DNAJC2: variants seen among roughly 807,000 people sequenced by gnomAD.
The protein encoded by DNAJC2 is DnaJ heat shock protein family (Hsp40) member C2.
A neutral mutation model predicts 94.0 loss-of-function variants in DNAJC2; 32 were observed. The ratio of observed to expected loss-of-function variants is 0.34; its 90% CI spans 0.26 to 0.46. The LOEUF (loss-of-function observed/expected upper bound fraction) is 0.46, where lower values mean the gene tolerates loss of function less well. DNAJC2 is among the 20% of genes least tolerant of loss of function. The pLI is 1.00. For missense variants in DNAJC2, 550 were observed against 719.5 expected (o/e 0.76, Z 2.69); for synonymous variants, 210 against 229.7 (o/e 0.91, Z 0.77).
chr7:103,322,847 G>A, intron 7 of DNAJC2, 53 bp from the exon 8 acceptor site: 1 of 1,331,366 alleles, frequency 7.5e-7, no homozygotes, highest in Non-Finnish European at 1.0e-6. Context: ...TGCTATGACT[G>A]GAAAATGCAA....
At chr7:103,324,357 G>A (rs1818585947) in intron 6 of DNAJC2, 125 bp downstream of exon 6, 2 of 756,296 alleles carry the variant, frequency 2.6e-6, no homozygotes, top group Non-Finnish European at 1.9e-6. Flanking sequence ...AGGTAACAGA[G>A]TGCTTTTGTT....
chr7:103,343,348 A>G (rs1819465063), intron 1 of DNAJC2, among the ~76,000 whole-genome samples: 1 of 152,222 alleles, frequency 6.6e-6, no homozygotes, highest in East Asian at 1.9e-4. Flanking sequence ...GCTCTTAAAA[A>G]TTTTAAGAAT....
chr7:103,331,609 C>G (rs1369376829), intron 3 of DNAJC2, among the ~76,000 whole-genome samples: 1 of 152,184 alleles, frequency 6.6e-6, no homozygotes, highest in Non-Finnish European at 1.5e-5. Flanking sequence ...TGAGAACATG[C>G]AATATTTGCC....
chr7:103,344,238 AG>A (rs1819507958), intron 1 of DNAJC2: 1 of 372,462 alleles, frequency 2.7e-6, no homozygotes, highest in Non-Finnish European at 4.9e-6. Flanking sequence ...TTTCCACCGT[AG>A]GCAAGGAGAT....
chr7:103,335,538 C>CTTTTT (rs762515531), intron 3 of DNAJC2: 1 of 140,182 alleles, frequency 7.1e-6, no homozygotes. Context: ...TTCTTTCTTT[C>CTTTTT]TTTTTTTTTT....
At chr7:103,337,882 A>G in intron 2 of DNAJC2, 71 bp from the exon 3 acceptor site, 1 of 1,116,320 alleles carries the variant, frequency 9.0e-7, no homozygotes, top group South Asian at 1.3e-5. Flanking sequence ...GTGTTCTGGT[A>G]CCTTAATAAG....
chr7:103,321,741 C>T (rs1382008801), intron 10 of DNAJC2, among the ~76,000 whole-genome samples, 191 bp downstream of exon 10: 2 of 152,172 alleles, frequency 1.3e-5, no homozygotes, highest in African/African-American at 4.8e-5. Context: ...CCCAGCTACT[C>T]GGGAGGCTGA....
chr7:103,324,589 C>A (rs2115909037), intron 5 of DNAJC2, 27 bp from the exon 6 acceptor site: 1 of 1,417,064 alleles, frequency 7.1e-7, no homozygotes. Flanking sequence ...AATATTCTTA[C>A]AATTCTTCAA....
intron 12 of DNAJC2, among the ~76,000 whole-genome samples, chr7:103,317,558 C>T (rs1818138808): frequency 6.6e-6 from 1 of 152,186 alleles, no homozygotes. Context: ...CATTTCTCCC[C>T]TTCAATCCCT....
rs1309646680 is a variant in DNAJC2 at position 103,312,954 on chromosome 7, C to T, written c.1784G>A (p.Arg595Gln). The change falls in exon 16 of 17, where the codon CGA (arginine) becomes CAA (glutamine). Residue 595 changes from arginine to glutamine, a missense_variant. By Grantham distance (43) the Arg-to-Gln change is conservative (BLOSUM62 1). Around this residue, in one of 2 missense-constraint regions of DNAJC2, gnomAD observed 271 missense variants for 302.6 expected, o/e 0.90. Transcript: ENST00000379263. ...PGRTKKDCMK[R>Q]YKELVEMVKA... is the part of the protein sequence containing the mutation. Reference sequence around the variant, plus strand: ...AACGCTTAAGTCTGCAACCTTGTATCGTTTCATGCAGTCCTTCTTTGTCCT... The same window carrying T: ...AACGCTTAAGTCTGCAACCTTGTATTGTTTCATGCAGTCCTTCTTTGTCCT... The T allele has an allele frequency of 6.2e-7, 1 of 1,610,846 alleles. No homozygotes were observed. The highest frequency in any genetic ancestry group is 8.5e-7 in the Non-Finnish European group (1 of 1,179,192).
At chr7:103,320,762 C>CATATAT (rs71519145) in intron 10 of DNAJC2, 15 of 135,912 alleles carry the variant, frequency 1.1e-4, no homozygotes, top group South Asian at 9.6e-4. Flanking sequence ...TATATATACA[C>CATATAT]ATATATATAT....
In DNAJC2 at chr7:103,344,590, C is replaced by T. The variant is rs1586124120; in HGVS notation, c.33G>A (p.Arg11=). MLLLPSAADG[R]GTAITHALTS... is the part of the protein sequence containing the mutation. ...TCAGAGCGTGGGTGATGGCGGTGCC[C>T]CGGCCGTCCGCGGCGCTTGGCAGAA... The change falls in exon 1 of 17, where the codon CGG becomes CGA. Residue 11 remains arginine (R), a synonymous_variant. Coordinates refer to ENST00000379263, the MANE Select transcript of DNAJC2 (RefSeq NM_014377.3). 6.2e-7 allele frequency: 1 copy of T among 1,613,146 alleles called. No homozygotes were observed. Among genetic ancestry groups the T allele is most frequent in the East Asian group, 2.2e-5 (1 of 44,858 alleles).
chr7:103,325,888 AGAG>A (rs1290647868), intron 5 of DNAJC2, among the ~76,000 whole-genome samples: 3 of 152,148 alleles, frequency 2.0e-5, no homozygotes, highest in Non-Finnish European at 2.9e-5. Context: ...AATGAGTCAG[AGAG>A]TAGTATACCG....
At chr7:103,319,973 G>C (rs1818290859) in intron 10 of DNAJC2, 129 bp from the exon 11 acceptor site, 1 of 894,022 alleles carries the variant, frequency 1.1e-6, no homozygotes, top group African/African-American at 1.7e-5. Flanking sequence ...GGCGGAAATT[G>C]CAGCAAACTG....
intron 6 of DNAJC2, 107 bp from the exon 7 acceptor site, chr7:103,323,770 T>C (rs958036592): frequency 4.5e-6 from 4 of 887,372 alleles, no homozygotes; most frequent in Non-Finnish European, 6.2e-6. Flanking sequence ...CCTTCCCTTC[T>C]AGTATTGAAC....
Position 103,327,945 on chromosome 7 carries a change from A to G in DNAJC2, c.332-191T>C, listed in dbSNP as rs189293626. ...TTCTTCTTATTATTTTTTGAGACAG[A>G]GTTTTGCTCTTGTTGCCCAGGCTGG... is the stretch of plus-strand genomic sequence containing the variant. On this transcript the variant is annotated intron_variant, in intron 3 of 16. Coordinates refer to ENST00000379263, the MANE Select transcript of DNAJC2 (RefSeq NM_014377.3). Among the ~76,000 whole-genome samples, 5 of 152,210 alleles carry G rather than the reference A, an allele frequency of 3.3e-5. No homozygotes were observed. In the East Asian group the frequency reaches 9.7e-4, roughly 29 times the overall value.
chr7:103,314,389 C>T, intron 15 of DNAJC2: 3 of 985,350 alleles, frequency 3.0e-6, no homozygotes, highest in Admixed American at 6.1e-5. Flanking sequence ...TTCCCATTTC[C>T]ATAAAAGAGG....
chr7:103,313,443 AAC>A (rs1452463599), intron 15 of DNAJC2: 2 of 984,854 alleles, frequency 2.0e-6, no homozygotes, highest in Non-Finnish European at 2.4e-6. Context: ...TGGACTCAAA[AAC>A]ACAACCACAA....
Position 103,323,594 on chromosome 7 carries a change from A to T in DNAJC2, c.719+4T>A, listed in dbSNP as rs1818540339. 2 of 1,468,408 alleles carry T rather than the reference A, an allele frequency of 1.4e-6. No homozygotes were observed. The highest frequency in any genetic ancestry group is 2.8e-5 in the African/African-American group (2 of 71,132). The allele number at this position is 1,468,408 out of a possible 1,614,324, so 91.0% of individuals were successfully genotyped here. On this transcript the variant is annotated splice_donor_region_variant and intron_variant, in intron 7 of 16. Transcript: ENST00000379263. ...CTTCCATTATTAATGATTTGCATAC[A>T]TACCATTCTGCTTTTTCTTTTTCTT...
Sources: gnomAD v4.1 joint callset for allele counts (sites outside exome capture counted in the v4.1 genomes callset) on GRCh38, gnomAD v4.1.1 for gene constraint, gnomAD v4.1.1 regional missense constraint, MANE v1.5 for transcripts, NCBI Gene and HGNC (gene_info 2026-07-23, HGNC 2026-07-21) for gene names.